Variants in DMD observed in about 807,000 individuals in gnomAD.
The protein encoded by DMD is dystrophin.
Under a neutral mutation model 330.1 loss-of-function variants are expected in DMD, and 63 were observed. The observed-to-expected ratio is 0.19, with a 90% CI of 0.16 to 0.24. The LOEUF (loss-of-function observed/expected upper bound fraction) is 0.24, where lower values mean the gene tolerates loss of function less well. Among genes scored for constraint, DMD ranks in the 10% least tolerant of loss-of-function variants. The pLI, the probability that DMD is intolerant of heterozygous loss-of-function variation, is 1.00. For missense variants in DMD, 3,344 were observed against 2,684.1 expected (o/e 1.25, Z -5.43); for synonymous variants, 1,223 against 959.8 (o/e 1.27, Z -5.07).
chrX:32,368,927 C>T (rs1481616947), intron 34 of DMD, among the ~76,000 whole-genome samples: 2 of 110,806 alleles, frequency 1.8e-5, no homozygotes, highest in African/African-American at 3.3e-5. Flanking sequence ...CTGCTAGGAT[C>T]GATTTTAGGG....
At chrX:32,238,574 G>C (rs1377771587) in intron 43 of DMD, among the ~76,000 whole-genome samples, 1 of 111,644 alleles carries the variant, frequency 9.0e-6, no homozygotes, top group East Asian at 2.8e-4. Context: ...CATCACAAAA[G>C]AGTCACTGAA....
chrX:32,865,310 C>T (rs1226181147), intron 2 of DMD, among the ~76,000 whole-genome samples: 2 of 110,182 alleles, frequency 1.8e-5, no homozygotes, highest in Non-Finnish European at 3.8e-5. Flanking sequence ...TGTTATAATC[C>T]TATTAATAGT....
At chrX:32,608,288 GA>G (rs1166348184) in intron 12 of DMD, among the ~76,000 whole-genome samples, 1 of 110,220 alleles carries the variant, frequency 9.1e-6, no homozygotes. Flanking sequence ...TGGGATATTA[GA>G]TGTCTTCTCA....
At chrX:33,077,046 G>C (rs1283218767) in intron 1 of DMD, among the ~76,000 whole-genome samples, 1 of 110,950 alleles carries the variant, frequency 9.0e-6, no homozygotes, top group Non-Finnish European at 1.9e-5. Context: ...AAGATCAGAT[G>C]AGCCAGTTTA....
At chrX:33,324,961 T>G (rs1314834312) in intron 1 of DMD, among the ~76,000 whole-genome samples, 1 of 111,834 alleles carries the variant, frequency 8.9e-6, no homozygotes, top group East Asian at 2.8e-4. Flanking sequence ...CATTTATTAA[T>G]TATGCAACAA....
At chrX:32,524,087 C>T (rs976566461) in intron 17 of DMD, among the ~76,000 whole-genome samples, 4 of 109,197 alleles carry the variant, frequency 3.7e-5, no homozygotes, top group African/African-American at 6.7e-5. Context: ...CGCCCGCCAC[C>T]ACGCCCGGCT....
intron 1 of DMD, among the ~76,000 whole-genome samples, chrX:33,217,969 G>A (rs2052089133): frequency 9.0e-6 from 1 of 111,205 alleles, no homozygotes; most frequent in Non-Finnish European, 1.9e-5. Flanking sequence ...CCAGTACTAT[G>A]AATAATAGTA....
intron 47 of DMD, among the ~76,000 whole-genome samples, chrX:31,918,834 G>A (rs2094646888): frequency 9.0e-6 from 1 of 111,014 alleles, no homozygotes. Context: ...GACAGGGTTT[G>A]ACAATGTTGG....
At chrX:32,756,271 G>A (rs1025360904) in intron 7 of DMD, 2 of 111,853 alleles carry the variant, frequency 1.8e-5, no homozygotes. Context: ...AAGAAATAAA[G>A]CTGAGAACGT....
At chrX:31,211,281 C>CTCT (rs1375589877) in intron 64 of DMD, among the ~76,000 whole-genome samples, 1 of 112,195 alleles carries the variant, frequency 8.9e-6, no homozygotes, top group African/African-American at 3.2e-5. Context: ...TCTTCTCTCT[C>CTCT]TCTTCTGTGT....
chrX:31,255,126 A>G (rs1057073492), intron 63 of DMD, among the ~76,000 whole-genome samples: 1 of 111,114 alleles, frequency 9.0e-6, no homozygotes, highest in Non-Finnish European at 1.9e-5. Context: ...TTTTTAAAAA[A>G]TATTTTCTTA....
intron 55 of DMD, among the ~76,000 whole-genome samples, chrX:31,564,870 C>T (rs1174282391): frequency 1.8e-5 from 2 of 111,698 alleles, no homozygotes; most frequent in East Asian, 5.6e-4. Context: ...TAAAAGAATA[C>T]AAGACATACT....
chrX:31,207,067 C>T (rs1024678256), intron 65 of DMD, among the ~76,000 whole-genome samples: 1 of 111,812 alleles, frequency 8.9e-6, no homozygotes, highest in African/African-American at 3.2e-5. Flanking sequence ...AAGCAAATTA[C>T]CTACTTTGGT....
At chrX:31,385,549 C>A (rs2060407125) in intron 60 of DMD, among the ~76,000 whole-genome samples, 1 of 111,903 alleles carries the variant, frequency 8.9e-6, no homozygotes, top group Non-Finnish European at 1.9e-5. Flanking sequence ...TTTGTAGGTA[C>A]ACATTAAGCG....
At chrX:31,703,425 C>T (rs964595977) in intron 52 of DMD, among the ~76,000 whole-genome samples, 4 of 111,916 alleles carry the variant, frequency 3.6e-5, no homozygotes, top group Non-Finnish European at 5.6e-5. Context: ...GCCTACAATG[C>T]TCTCTGCCTT....
chrX:32,754,416 G>C (rs1236950321), intron 7 of DMD, among the ~76,000 whole-genome samples: 1 of 109,973 alleles, frequency 9.1e-6, no homozygotes, highest in Non-Finnish European at 1.9e-5. Flanking sequence ...TCTATATACA[G>C]AGCTCACTCT....
rs1569552119 is a variant in DMD, at chrX:33,058,461, T to C, written c.32-38261A>G. Among the ~76,000 whole-genome samples the C allele has an allele frequency of 4.8e-5, 3 of 62,919 alleles. No individual in the cohort carries two copies. The Admixed American group carries it at 5.9e-4, about 12-fold the overall frequency. The allele number at this position is 62,919 out of a possible 115,157, so 54.6% of individuals were successfully genotyped here. ...CACCATGTCAGGCTAATTTTGATTA[T>C]TATTATTTTATTTTTTTTTTTTGTA... On this transcript the variant is annotated intron_variant, in intron 1 of 78. Transcript: ENST00000357033.
intron 47 of DMD, among the ~76,000 whole-genome samples, chrX:31,918,076 T>A (rs2094633780): frequency 8.9e-6 from 1 of 112,734 alleles, no homozygotes; most frequent in Non-Finnish European, 1.9e-5. Flanking sequence ...CTGCCGTACA[T>A]TAAAGTTTGA....
At chrX:31,581,276 A>T (rs1479421650) in intron 55 of DMD, among the ~76,000 whole-genome samples, 2 of 111,877 alleles carry the variant, frequency 1.8e-5, no homozygotes, top group Non-Finnish European at 3.8e-5. Context: ...TTTCCTTACC[A>T]TGGTAATGGA....
Sources: gnomAD v4.1 joint callset for allele counts (sites outside exome capture counted in the v4.1 genomes callset) on GRCh38, gnomAD v4.1.1 for gene constraint, MANE v1.5 for transcripts, NCBI Gene and HGNC (gene_info 2026-07-23, HGNC 2026-07-21) for gene names.